The following XPO5 variants were observed in gnomAD, a reference collection of about 807,000 sequenced individuals.
The protein encoded by XPO5 is exportin-5.
In XPO5, 46 loss-of-function variants were observed where a neutral mutation model predicts 160.6. The ratio of observed to expected loss-of-function variants is 0.29; its 90% CI spans 0.23 to 0.37. XPO5 has a LOEUF of 0.37. Ranked by LOEUF, XPO5 falls within the 10% of genes least tolerant of loss-of-function variation. The pLI, the probability that XPO5 is intolerant of heterozygous loss-of-function variation, is 1.00. For synonymous variants in XPO5, 537 were observed against 519.3 expected, an observed-to-expected ratio of 1.03 and a Z score of -0.46; for missense variants, 1,090 against 1,463.9, an observed-to-expected ratio of 0.74 and a Z score of 4.17.
chr6:43,538,189 G>A (rs1218341173), intron 20 of XPO5, among the ~76,000 whole-genome samples: 4 of 110,976 alleles, frequency 3.6e-5, no homozygotes, highest in East Asian at 3.0e-4. Flanking sequence ...TTGCTCTGTC[G>A]CTCAGGCTGG....
At chr6:43,526,622 T>C in intron 27 of XPO5, 63 bp downstream of exon 27, 1 of 1,588,862 alleles carries the variant, frequency 6.3e-7, no homozygotes, top group Non-Finnish European at 8.6e-7. Context: ...ACTGACCTGG[T>C]TCAGAAGGAA....
At chr6:43,560,736 C>T (rs1158226481) in intron 10 of XPO5, among the ~76,000 whole-genome samples, 188 bp downstream of exon 10, 1 of 152,162 alleles carries the variant, frequency 6.6e-6, no homozygotes, top group Non-Finnish European at 1.5e-5. Context: ...AGCTGCTGAC[C>T]TAGACAAGTG....
At chr6:43,549,181 C>G (rs1795109976) in intron 17 of XPO5, among the ~76,000 whole-genome samples, 1 of 152,098 alleles carries the variant, frequency 6.6e-6, no homozygotes, top group Non-Finnish European at 1.5e-5. Flanking sequence ...CCTGCCTCAG[C>G]CTCCTGACTA....
Position 43,553,701 on chromosome 6 carries a change from T to C in XPO5, c.1442-198A>G, listed in dbSNP as rs1044780475. On this transcript the variant is annotated intron_variant, in intron 13 of 31. Transcript: ENST00000265351. ...TGTGTGCTGAAAGCAATGAGGTAGGTGAAGGTTCCTACCATGCCTCCTCCT... is the reference window on the plus strand; with the variant it reads ...TGTGTGCTGAAAGCAATGAGGTAGGCGAAGGTTCCTACCATGCCTCCTCCT... 7 of 1,198,644 alleles carry C rather than the reference T, an allele frequency of 5.8e-6. No individual in the cohort carries two copies. The African/African-American group carries it at 1.1e-4, about 18-fold the overall frequency. 74.3% of individuals were successfully genotyped at this position (1,198,644 alleles called of 1,614,324 possible). A position where few individuals can be genotyped will look rare whatever the true frequency, so the allele number is the denominator to read the frequency against.
In XPO5 at chr6:43,549,511, C is replaced by A; in HGVS notation, c.1838G>T (p.Arg613Leu). The change falls in exon 17 of 32, where the codon CGT becomes CTT. Residue 613 changes from arginine (R) to leucine (L), a missense_variant. Physicochemically the swap from Arg to Leu is moderately radical, Grantham distance 102. Around this residue, in one of 3 missense-constraint regions of XPO5, gnomAD observed 810 missense variants for 1,139.0 expected, o/e 0.71. Transcript: ENST00000265351. ...HACSSIIKMC[R>L]DYPQLVLPNF... ...TACCAGCACAAGCTGGGGGTAGTCA[C>A]GACACATCTTGATGATGGAGGAACA... is the stretch of plus-strand genomic sequence containing the variant. The A allele has an allele frequency of 6.2e-7, 1 of 1,612,868 alleles. No homozygotes were observed. The highest frequency in any genetic ancestry group is 1.3e-5 in the African/African-American group (1 of 74,984).
At chr6:43,562,986 G>A (rs1762489531) in intron 8 of XPO5, among the ~76,000 whole-genome samples, 1 of 152,154 alleles carries the variant, frequency 6.6e-6, no homozygotes, top group African/African-American at 2.4e-5. Flanking sequence ...AAACACATGT[G>A]CCTCATACCT....
chr6:43,526,629 G>A (rs1419274144), intron 27 of XPO5, 56 bp downstream of exon 27: 1 of 1,597,138 alleles, frequency 6.3e-7, no homozygotes, highest in Non-Finnish European at 8.6e-7. Flanking sequence ...TGGTTCAGAA[G>A]GAACAGTATT....
At chr6:43,562,184 TAA>T (rs1291571569) in intron 9 of XPO5, 61 bp downstream of exon 9, 2 of 1,373,166 alleles carry the variant, frequency 1.5e-6, no homozygotes, top group African/African-American at 1.4e-5. Context: ...CATTGAAACA[TAA>T]GTTTCTAAAT....
At chr6:43,562,658 T>C (rs150928200) in intron 8 of XPO5, among the ~76,000 whole-genome samples, 2 of 152,300 alleles carry the variant, frequency 1.3e-5, no homozygotes, top group East Asian at 3.9e-4. Context: ...AAACGAGGCC[T>C]AGGCTTTAGG....
rs369787748 is a variant in XPO5, at chr6:43,565,001, C to T, written c.911+659G>A. Among the ~76,000 whole-genome samples the T allele has an allele frequency of 7.9e-5, 12 of 151,550 alleles. No homozygotes were observed. In the South Asian group the frequency reaches 1.2e-3, roughly 16 times the overall value. ...AGAGTGGTGTGATCTCAGCTCACAG[C>T]AACCTCTGCCTCCCAGGTTCAAGAT... On this transcript the variant is annotated intron_variant, in intron 8 of 31. Transcript: ENST00000265351.
intron 11 of XPO5, 50 bp from the exon 12 acceptor site, chr6:43,558,641 AAG>A (rs1357640173): frequency 5.0e-6 from 7 of 1,395,910 alleles, no homozygotes; most frequent in South Asian, 2.7e-5. Context: ...GACCCACTGA[AAG>A]AGTTTTTAAG....
intron 26 of XPO5, 95 bp from the exon 27 acceptor site, chr6:43,526,842 G>A (rs193060856): frequency 8.4e-6 from 11 of 1,315,728 alleles, no homozygotes; most frequent in Non-Finnish European, 1.2e-5. Context: ...TCTCTGGCCA[G>A]GTGAGGAAGG....
intron 12 of XPO5, 149 bp from the exon 13 acceptor site, chr6:43,556,113 A>G (rs1001627765): frequency 2.1e-5 from 22 of 1,056,396 alleles, no homozygotes; most frequent in Non-Finnish European, 2.9e-5. Context: ...ATCACTCAAT[A>G]AAACTTTATT....
intron 20 of XPO5, among the ~76,000 whole-genome samples, chr6:43,541,496 G>A (rs1388095282): frequency 1.3e-5 from 2 of 152,126 alleles, no homozygotes; most frequent in African/African-American, 4.8e-5. Flanking sequence ...CTTTCAAAGG[G>A]TTGCATAAGT....
chr6:43,532,167 C>CT (rs1443761493), intron 21 of XPO5, among the ~76,000 whole-genome samples: 1 of 152,138 alleles, frequency 6.6e-6, no homozygotes, highest in East Asian at 1.9e-4. Flanking sequence ...GCAACACCTA[C>CT]TTTTTATATT....
At chr6:43,554,890 C>T (rs926147595) in intron 13 of XPO5, 1 of 151,110 alleles carries the variant, frequency 6.6e-6, no homozygotes, top group African/African-American at 2.4e-5. Flanking sequence ...AAATGTCAGC[C>T]AGTAGTATGG....
chr6:43,576,017 G>A lies in XPO5; in HGVS notation c.-153C>T. 9.5e-6 allele frequency: 6 copies of A among 629,728 alleles called. No individual in the cohort carries two copies. The highest frequency in any genetic ancestry group is 1.1e-5 in the Non-Finnish European group (4 of 380,824). The allele number at this position is 629,728 out of a possible 1,614,324, so 39.0% of individuals were successfully genotyped here. On this transcript the variant is annotated 5_prime_UTR_variant, in exon 1 of 32. Coordinates refer to ENST00000265351, the MANE Select transcript of XPO5 (RefSeq NM_020750.3). ...GGAGCGTTAGCAGCAACTCGCGCTGGGAAGAAGCCGGCGCTGCGCACGCGC... is the reference window on the plus strand; with the variant it reads ...GGAGCGTTAGCAGCAACTCGCGCTGAGAAGAAGCCGGCGCTGCGCACGCGC...
intron 20 of XPO5, among the ~76,000 whole-genome samples, chr6:43,545,492 C>G (rs563818350): frequency 6.6e-6 from 1 of 151,876 alleles, no homozygotes; most frequent in Non-Finnish European, 1.5e-5. Context: ...TGATCACTTG[C>G]GGCCAGGAGT....
In XPO5 at chr6:43,538,542, T is replaced by C. The variant is rs73426766; in HGVS notation, c.2343-4535A>G. Among the ~76,000 whole-genome samples, 835 of 152,268 alleles carry C rather than the reference T, an allele frequency of 5.5e-3. 9 individuals are homozygous for C. Among genetic ancestry groups the C allele is most frequent in the African/African-American group, 0.019 (774 of 41,530 alleles). Reference sequence around the variant, plus strand: ...ACATTCGGTGATATTTGAATACTGATTGTATACTGGATATTGAATTACTGG... The same window carrying C: ...ACATTCGGTGATATTTGAATACTGACTGTATACTGGATATTGAATTACTGG... On this transcript the variant is annotated intron_variant, in intron 20 of 31. Transcript: ENST00000265351.
Sources: gnomAD v4.1 joint callset for allele counts (sites outside exome capture counted in the v4.1 genomes callset) on GRCh38, gnomAD v4.1.1 for gene constraint, gnomAD v4.1.1 regional missense constraint, MANE v1.5 for transcripts, NCBI Gene and HGNC (gene_info 2026-07-23, HGNC 2026-07-21) for gene names.